ZBBX: variants seen among roughly 807,000 people sequenced by gnomAD.
The protein encoded by ZBBX is zinc finger B-box domain containing.
A neutral mutation model predicts 108.5 loss-of-function variants in ZBBX; 101 were observed. That is an observed-to-expected ratio of 0.93 (90% CI 0.79 to 1.10). The LOEUF is 1.10. Among genes scored for constraint, ZBBX ranks in the 50% least tolerant of loss-of-function variants. The pLI is 0.00. For synonymous variants in ZBBX, 356 were observed against 323.4 expected (o/e 1.10, Z -1.08); for missense variants, 1,009 against 941.4 (o/e 1.07, Z -0.94).
At chr3:167,318,369 T>C (rs913506190) in intron 12 of ZBBX, among the ~76,000 whole-genome samples, 17 of 152,004 alleles carry the variant, frequency 1.1e-4, no homozygotes, top group Non-Finnish European at 2.1e-4. Flanking sequence ...TAACTAATTT[T>C]GGTACATTAA....
chr3:167,260,807 A>T (rs1002402769), intron 20 of ZBBX, among the ~76,000 whole-genome samples: 1 of 152,182 alleles, frequency 6.6e-6, no homozygotes, highest in Non-Finnish European at 1.5e-5. Context: ...TTAATAACTG[A>T]TCCCCTGAAT....
At chr3:167,268,973 G>A (rs533848348) in intron 20 of ZBBX, among the ~76,000 whole-genome samples, 31 of 152,278 alleles carry the variant, frequency 2.0e-4, no homozygotes, top group African/African-American at 7.0e-4. Context: ...GGGGAACAAC[G>A]TTGCAAAGTC....
chr3:167,335,788 GA>G (rs1248539895), intron 9 of ZBBX, among the ~76,000 whole-genome samples: 1 of 151,762 alleles, frequency 6.6e-6, no homozygotes, highest in Non-Finnish European at 1.5e-5. Context: ...AAATACCTAT[GA>G]AAAATGATGA....
intron 20 of ZBBX, among the ~76,000 whole-genome samples, chr3:167,247,073 A>T (rs1285814812): frequency 6.6e-6 from 1 of 152,196 alleles, no homozygotes; most frequent in African/African-American, 2.4e-5. Flanking sequence ...AGGTGAGGAC[A>T]GGCACTCCTG....
chr3:167,242,274 T>G (rs1240677944), intron 21 of ZBBX, among the ~76,000 whole-genome samples: 1 of 152,204 alleles, frequency 6.6e-6, no homozygotes, highest in Non-Finnish European at 1.5e-5. Context: ...ATTTTTATGA[T>G]ACATATTGTA....
intron 20 of ZBBX, among the ~76,000 whole-genome samples, chr3:167,274,818 T>C (rs1269735707): frequency 2.0e-5 from 3 of 152,186 alleles, no homozygotes; most frequent in Admixed American, 1.3e-4. Context: ...TTTTGCAGTC[T>C]GACCCCAGCC....
intron 4 of ZBBX, among the ~76,000 whole-genome samples, chr3:167,370,785 A>G (rs1452191314): frequency 3.3e-5 from 5 of 152,134 alleles, no homozygotes; most frequent in South Asian, 2.1e-4. Flanking sequence ...TGTTTAAGAG[A>G]TTTCTTTAAG....
At position 167,333,886 on chromosome 3, in the gene ZBBX, C is replaced by T. The variant is rs568097370; in HGVS notation, c.628G>A (p.Glu210Lys). 3 of 1,612,550 alleles carry T rather than the reference C, an allele frequency of 1.9e-6. No individual in the cohort carries two copies. The highest frequency in any genetic ancestry group is 2.7e-5 in the African/African-American group (2 of 74,858). ...GGTTTATGTTGAATTTTACTGGTTT[C>T]CTTTGTAGAATTATTCTCCTCTTTG... is the stretch of plus-strand genomic sequence containing the variant. ...EPKEENNSTKETSKIQHKPKS... is the reference protein window; with the variant it reads ...EPKEENNSTKKTSKIQHKPKS... The change falls in exon 10 of 22, where the codon GAA becomes AAA. Residue 210 changes from glutamate to lysine, a missense_variant. Coordinates refer to ENST00000675490, the MANE Select transcript of ZBBX (RefSeq NM_001199201.2).
intron 15 of ZBBX, 41 bp downstream of exon 15, chr3:167,315,709 G>T: frequency 7.2e-7 from 1 of 1,379,878 alleles, no homozygotes; most frequent in South Asian, 1.2e-5. Context: ...GTGTCAGGAG[G>T]GGGCTCAATA....
At position 167,298,459 on chromosome 3, in the gene ZBBX, C is replaced by T; in HGVS notation, c.1726-1G>A. Reference sequence around the variant, plus strand: ...TTCTGCAGGCTATTTCTTGTAACAACTAAGAAACAAAATATTCAACAATAT... The same window carrying T: ...TTCTGCAGGCTATTTCTTGTAACAATTAAGAAACAAAATATTCAACAATAT... On this transcript the variant is annotated splice_acceptor_variant, in intron 17 of 21. Coordinates refer to ENST00000675490, the MANE Select transcript of ZBBX (RefSeq NM_001199201.2). LOFTEE classifies it high-confidence loss of function. 6.8e-7 allele frequency: 1 copy of T among 1,474,068 alleles called. No individual in the cohort carries two copies. Among genetic ancestry groups the T allele is most frequent in the East Asian group, 2.4e-5 (1 of 41,150 alleles). 91.3% of individuals were successfully genotyped at this position (1,474,068 alleles called of 1,614,324 possible).
chr3:167,374,913 G>A (rs986891380), intron 2 of ZBBX, among the ~76,000 whole-genome samples: 1 of 152,148 alleles, frequency 6.6e-6, no homozygotes. Context: ...TCTTGGATAA[G>A]GGACTAATGA....
chr3:167,400,064 C>T (rs1168638991), intron 1 of ZBBX, among the ~76,000 whole-genome samples: 2 of 152,150 alleles, frequency 1.3e-5, no homozygotes, highest in South Asian at 2.1e-4. Flanking sequence ...CATAGTATTC[C>T]GTAGTGTATA....
intron 1 of ZBBX, among the ~76,000 whole-genome samples, chr3:167,392,463 G>A (rs1056447121): frequency 3.3e-5 from 5 of 151,666 alleles, no homozygotes; most frequent in African/African-American, 9.7e-5. Context: ...TGAGTAGTAT[G>A]GTAAGTTTAT....
At chr3:167,370,059 A>C (rs1745919241) in intron 4 of ZBBX, among the ~76,000 whole-genome samples, 1 of 152,194 alleles carries the variant, frequency 6.6e-6, no homozygotes, top group Admixed American at 6.5e-5. Flanking sequence ...GGATCATTAA[A>C]GGGTTTTAAG....
At chr3:167,282,820 A>T (rs1314528195) in intron 19 of ZBBX, among the ~76,000 whole-genome samples, 1 of 152,222 alleles carries the variant, frequency 6.6e-6, no homozygotes, top group East Asian at 1.9e-4. Flanking sequence ...CAATTTTATA[A>T]CGTATTCCAA....
At chr3:167,400,356 C>CA (rs1277467421) in intron 1 of ZBBX, among the ~76,000 whole-genome samples, 4 of 152,224 alleles carry the variant, frequency 2.6e-5, no homozygotes, top group Non-Finnish European at 5.9e-5. Context: ...TCCGCAGCCT[C>CA]ACCAACATCT....
the ZBBX span, among the ~76,000 whole-genome samples, chr3:167,203,876 G>C: frequency 1.3e-5 from 2 of 152,146 alleles, no homozygotes; most frequent in East Asian, 3.8e-4. Context: ...AAAGCATTCA[G>C]TTGCCCACAA....
the ZBBX span, among the ~76,000 whole-genome samples, chr3:167,187,997 A>T: frequency 6.6e-6 from 1 of 152,182 alleles, no homozygotes; most frequent in Non-Finnish European, 1.5e-5. Context: ...TTCCAGAATT[A>T]CGTATTTTCC....
intron 10 of ZBBX, among the ~76,000 whole-genome samples, chr3:167,330,899 A>AGAAGAAGAAGAAGAAGAAGAAGAT (rs1305626656): frequency 8.6e-6 from 1 of 116,114 alleles, no homozygotes; most frequent in African/African-American, 3.0e-5. Context: ...AAGAAGAAGA[A>AGAAGAAGAAGAAGAAGAAGAAGAT]GAAGAAGAAG....
Sources: allele counts gnomAD v4.1 joint callset (sites outside exome capture counted in the v4.1 genomes callset), GRCh38; gene constraint gnomAD v4.1.1; transcripts MANE v1.5; gene names NCBI Gene and HGNC (gene_info 2026-07-23, HGNC 2026-07-21).